JAZF1: variants seen among roughly 807,000 people sequenced by gnomAD.
The protein encoded by JAZF1 is JAZF zinc finger 1.
Under a neutral mutation model 26.4 loss-of-function variants are expected in JAZF1, and 8 were observed. That is an observed-to-expected ratio of 0.30 (90% CI 0.18 to 0.55). JAZF1 has a LOEUF of 0.55. Among genes scored for constraint, JAZF1 ranks in the 20% least tolerant of loss-of-function variants. The pLI, the probability that JAZF1 is intolerant of heterozygous loss-of-function variation, is 0.94. For synonymous variants in JAZF1, 126 were observed against 122.3 expected (o/e 1.03, Z -0.20); for missense variants, 199 against 322.0 (o/e 0.62, Z 2.92).
chr7:28,066,431 A>G (rs569756233), intron 1 of JAZF1, among the ~76,000 whole-genome samples: 2 of 151,892 alleles, frequency 1.3e-5, no homozygotes, highest in South Asian at 2.1e-4. Context: ...GTAAAACCCC[A>G]TCTCTACTAA....
At chr7:27,918,594 T>A (rs1008038944) in intron 2 of JAZF1, among the ~76,000 whole-genome samples, 2 of 152,204 alleles carry the variant, frequency 1.3e-5, no homozygotes, top group Non-Finnish European at 1.5e-5. Context: ...CTTTTCCATG[T>A]GTTATTTGCA....
intron 1 of JAZF1, among the ~76,000 whole-genome samples, chr7:28,132,249 T>C (rs984667367): frequency 6.6e-6 from 1 of 152,160 alleles, no homozygotes; most frequent in Non-Finnish European, 1.5e-5. Context: ...ATGAATTCAT[T>C]AGGGAGAACG....
At chr7:28,164,073 C>G (rs1437863717) in intron 1 of JAZF1, among the ~76,000 whole-genome samples, 2 of 152,192 alleles carry the variant, frequency 1.3e-5, no homozygotes, top group Non-Finnish European at 2.9e-5. Context: ...CATGAGAAAA[C>G]CATGTCCCTA....
At chr7:27,932,909 TA>T (rs1186849829) in intron 2 of JAZF1, among the ~76,000 whole-genome samples, 4 of 152,226 alleles carry the variant, frequency 2.6e-5, no homozygotes, top group Non-Finnish European at 5.9e-5. Context: ...ATGTTTTTGA[TA>T]TTGCGTATAA....
chr7:27,996,906 T>C (rs1165367368), intron 1 of JAZF1, among the ~76,000 whole-genome samples: 5 of 152,184 alleles, frequency 3.3e-5, no homozygotes, highest in African/African-American at 7.2e-5. Flanking sequence ...AATGAGAAAA[T>C]TGAAGGCTTT....
intron 2 of JAZF1, among the ~76,000 whole-genome samples, chr7:27,990,803 T>C (rs939811275): frequency 4.6e-5 from 7 of 152,204 alleles, no homozygotes; most frequent in African/African-American, 1.7e-4. Context: ...GTCTTTATTT[T>C]CATTTGATGT....
chr7:27,905,208 G>A (rs1319037785), intron 2 of JAZF1, among the ~76,000 whole-genome samples: 4 of 152,114 alleles, frequency 2.6e-5, no homozygotes, highest in South Asian at 2.1e-4. Context: ...AAGCAGTCTC[G>A]TTGCCTTGGC....
At chr7:27,911,492 T>C (rs767240085) in intron 2 of JAZF1, among the ~76,000 whole-genome samples, 11 of 152,164 alleles carry the variant, frequency 7.2e-5, no homozygotes, top group Non-Finnish European at 1.5e-4. Flanking sequence ...ACAGTAGCCA[T>C]TAGCCATATG....
intron 4 of JAZF1, among the ~76,000 whole-genome samples, chr7:27,835,680 T>C (rs1782792754): frequency 6.6e-6 from 1 of 152,068 alleles, no homozygotes; most frequent in South Asian, 2.1e-4. Flanking sequence ...CAAGTGAGAC[T>C]CTATTAAGAC....
At chr7:27,854,345 A>G (rs1562766398) in intron 3 of JAZF1, among the ~76,000 whole-genome samples, 1 of 152,158 alleles carries the variant, frequency 6.6e-6, no homozygotes, top group Non-Finnish European at 1.5e-5. Context: ...GTGTCTTTTA[A>G]TTGGGGCATT....
chr7:28,013,895 CAAG>C (rs1782839947), intron 1 of JAZF1, among the ~76,000 whole-genome samples: 1 of 152,092 alleles, frequency 6.6e-6, no homozygotes, highest in African/African-American at 2.4e-5. Flanking sequence ...GTGTGGCTGG[CAAG>C]AAGAACAGAC....
intron 2 of JAZF1, among the ~76,000 whole-genome samples, chr7:27,966,768 G>GTTCC (rs1235196768): frequency 6.6e-6 from 1 of 152,086 alleles, no homozygotes; most frequent in Non-Finnish European, 1.5e-5. Context: ...ACTCTCAAGG[G>GTTCC]GTAATTTTTT....
At chr7:28,035,042 T>C (rs559554397) in intron 1 of JAZF1, among the ~76,000 whole-genome samples, 1 of 151,748 alleles carries the variant, frequency 6.6e-6, no homozygotes, top group African/African-American at 2.4e-5. Flanking sequence ...ATAGGCTGGG[T>C]GCAGTGGCTC....
In JAZF1 at chr7:28,051,202, T is replaced by G. The variant is rs116917453; in HGVS notation, c.116-59221A>C. 5.1e-3 allele frequency among the ~76,000 whole-genome samples: 776 copies of G among 151,644 alleles called. 4 individuals are homozygous for G. Among genetic ancestry groups the G allele is most frequent in the Middle Eastern group, 0.01 (3 of 290 alleles). On this transcript the variant is annotated intron_variant, in intron 1 of 4. Transcript: ENST00000283928. ...GTTTTTTTTTAAGAAACTATTGCTG[T>G]ATTTTAAGTGAGTATAATTTTTTAT...
intron 1 of JAZF1, among the ~76,000 whole-genome samples, chr7:28,138,924 AGTT>A (rs1471881049): frequency 6.6e-6 from 1 of 152,244 alleles, no homozygotes; most frequent in Admixed American, 6.5e-5. Flanking sequence ...CATACATGAC[AGTT>A]GTTTGGAAAC....
At chr7:28,101,275 T>A (rs1226840068) in intron 1 of JAZF1, among the ~76,000 whole-genome samples, 1 of 152,206 alleles carries the variant, frequency 6.6e-6, no homozygotes, top group Non-Finnish European at 1.5e-5. Context: ...ATGTTTTAGC[T>A]CTTGCTGTAT....
At chr7:27,895,157 TCA>T (rs2128342003) in intron 3 of JAZF1, 61 bp downstream of exon 3, 1 of 1,164,116 alleles carries the variant, frequency 8.6e-7, no homozygotes, top group Non-Finnish European at 1.2e-6. Flanking sequence ...CCCCAGCACA[TCA>T]CACACACTTT....
chr7:27,953,828 G>T (rs1013949274), intron 2 of JAZF1, among the ~76,000 whole-genome samples: 1 of 152,212 alleles, frequency 6.6e-6, no homozygotes, highest in Non-Finnish European at 1.5e-5. Context: ...CAGCTTCAAT[G>T]ATCTGGAGAA....
intron 2 of JAZF1, among the ~76,000 whole-genome samples, chr7:27,936,280 C>T (rs1386929082): frequency 1.3e-5 from 2 of 152,196 alleles, no homozygotes; most frequent in Non-Finnish European, 2.9e-5. Flanking sequence ...GCCAAGAGGA[C>T]ATGCTTTCTC....
Sources: gnomAD v4.1 joint callset for allele counts (sites outside exome capture counted in the v4.1 genomes callset) on GRCh38, gnomAD v4.1.1 for gene constraint, MANE v1.5 for transcripts, NCBI Gene and HGNC (gene_info 2026-07-23, HGNC 2026-07-21) for gene names.